The following EXPH5 variants were observed in gnomAD, a reference collection of about 807,000 sequenced individuals.
The protein encoded by EXPH5 is exophilin 5.
EXPH5 carries 42 observed loss-of-function variants against 41.1 expected under a neutral mutation model. The ratio of observed to expected loss-of-function variants is 1.02; its 90% CI spans 0.80 to 1.32. The LOEUF is 1.32. Ranked by LOEUF, EXPH5 falls within the 40% of genes most tolerant of loss-of-function variation. The pLI is 0.00. For missense variants in EXPH5, 2,298 were observed against 2,314.5 expected, an observed-to-expected ratio of 0.99 and a Z score of 0.15; for synonymous variants, 798 against 833.5, an observed-to-expected ratio of 0.96 and a Z score of 0.73.
intron 4 of EXPH5, among the ~76,000 whole-genome samples, chr11:108,522,980 C>T (rs1221269031): frequency 6.6e-6 from 1 of 151,884 alleles, no homozygotes; most frequent in Non-Finnish European, 1.5e-5. Context: ...ACTACTGGCT[C>T]AAGCAATCCT....
Position 108,507,435 on chromosome 11 carries a change from G to A in EXPH5, c.*2102C>T, listed in dbSNP as rs1487485401. 1 of 152,144 alleles carries A rather than the reference G, an allele frequency of 6.6e-6. No individual in the cohort carries two copies. 9.4% of individuals were successfully genotyped at this position (152,144 alleles called of 1,614,324 possible). On this transcript the variant is annotated 3_prime_UTR_variant, in exon 6 of 6. Coordinates refer to ENST00000265843, the MANE Select transcript of EXPH5 (RefSeq NM_015065.3). Reference sequence around the variant, plus strand: ...GTATAAAAAATGGAAAATTAGATTAGGTCGCGAAGCAAATATAAACCAAGC... The same window carrying A: ...GTATAAAAAATGGAAAATTAGATTAAGTCGCGAAGCAAATATAAACCAAGC...
intron 3 of EXPH5, 43 bp from the exon 4 acceptor site, chr11:108,528,227 A>T (rs754367312): frequency 2.8e-6 from 4 of 1,434,990 alleles, no homozygotes; most frequent in Non-Finnish European, 3.9e-6. Flanking sequence ...GAAGAGCCTA[A>T]CTTTTACCAG....
At chr11:108,559,199 A>T (rs1388326420) in intron 1 of EXPH5, among the ~76,000 whole-genome samples, 1 of 152,214 alleles carries the variant, frequency 6.6e-6, no homozygotes. Context: ...TTTCCTGAAC[A>T]CACAGCAAGC....
At chr11:108,604,222 C>G in the EXPH5 span, among the ~76,000 whole-genome samples, 2 of 97,062 alleles carry the variant, frequency 2.1e-5, no homozygotes, top group African/African-American at 7.7e-5. Flanking sequence ...GAAACCCCAT[C>G]TCTACAAAAA....
intron 4 of EXPH5, among the ~76,000 whole-genome samples, chr11:108,525,659 CT>C (rs1408292774): frequency 1.3e-5 from 2 of 152,082 alleles, no homozygotes; most frequent in African/African-American, 4.8e-5. Flanking sequence ...GTGGAATCTG[CT>C]TGTACCATTC....
chr11:108,515,457 T>TTGAA (rs2093718330), intron 5 of EXPH5, among the ~76,000 whole-genome samples: 1 of 81,390 alleles, frequency 1.2e-5, no homozygotes, highest in South Asian at 4.2e-4. Context: ...ACATACTTAG[T>TTGAA]TGGATATATA....
At chr11:108,601,261 T>C in the EXPH5 span, among the ~76,000 whole-genome samples, 1 of 152,248 alleles carries the variant, frequency 6.6e-6, no homozygotes, top group Admixed American at 6.5e-5. Context: ...ATACCCGTAG[T>C]CACATGATGG....
At chr11:108,590,952 C>G (rs1221411794) in intron 1 of EXPH5, among the ~76,000 whole-genome samples, 1 of 152,212 alleles carries the variant, frequency 6.6e-6, no homozygotes, top group East Asian at 1.9e-4. Flanking sequence ...CGGGCCCAGC[C>G]CCAACTATAG....
chr11:108,570,447 G>A (rs1339723571), intron 1 of EXPH5, among the ~76,000 whole-genome samples: 1 of 151,904 alleles, frequency 6.6e-6, no homozygotes, highest in Non-Finnish European at 1.5e-5. Flanking sequence ...TAGAGATGGG[G>A]TTTCATTATG....
At chr11:108,548,723 A>G (rs1168523219) in intron 1 of EXPH5, among the ~76,000 whole-genome samples, 1 of 152,236 alleles carries the variant, frequency 6.6e-6, no homozygotes, top group African/African-American at 2.4e-5. Flanking sequence ...CTACACACCC[A>G]AGAGCCCTAT....
chr11:108,540,868 T>A (rs1332566466), intron 2 of EXPH5, among the ~76,000 whole-genome samples: 6 of 151,976 alleles, frequency 3.9e-5, no homozygotes, highest in Admixed American at 6.6e-5. Context: ...TCATCCCATT[T>A]ATTTAAGTGC....
At chr11:108,597,720 C>G (rs1311556163), upstream of EXPH5, among the ~76,000 whole-genome samples, 3 of 151,898 alleles carry the variant, frequency 2.0e-5, no homozygotes, top group East Asian at 5.8e-4. Context: ...TCTGGTAGTT[C>G]TAGTTGATAC....
chr11:108,518,816 C>T (rs1053342828), intron 4 of EXPH5, among the ~76,000 whole-genome samples: 1 of 152,164 alleles, frequency 6.6e-6, no homozygotes, highest in South Asian at 2.1e-4. Context: ...TGATAAAACA[C>T]GTTGCACTAA....
chr11:108,509,652 G>A lies in EXPH5; in HGVS notation c.5855C>T (p.Pro1952Leu). 6.2e-7 allele frequency: 1 copy of A among 1,613,984 alleles called. No homozygotes were observed. The highest frequency in any genetic ancestry group is 8.5e-7 in the Non-Finnish European group (1 of 1,179,964). The change falls in exon 6 of 6, where the codon CCA becomes CTA. Residue 1952 changes from proline (P) to leucine (L), a missense_variant. Coordinates refer to ENST00000265843, the MANE Select transcript of EXPH5 (RefSeq NM_015065.3). ...SSQVPEDGLS[P>L]SEPLNIYEDD... ...CTCATAGATATTAAGCGGTTCACTT[G>A]GAGATAAGCCATCTTCTGGCACCTG... is the stretch of plus-strand genomic sequence containing the variant.
At chr11:108,522,673 T>C (rs779860325) in intron 4 of EXPH5, among the ~76,000 whole-genome samples, 41 of 152,288 alleles carry the variant, frequency 2.7e-4, no homozygotes, top group Admixed American at 4.6e-4. Flanking sequence ...AAGTTTCTTG[T>C]GACCTAGAAG....
In EXPH5 at chr11:108,509,307, C is replaced by T; in HGVS notation, c.*230G>A. 2.7e-6 allele frequency: 1 copy of T among 373,200 alleles called. No homozygotes were observed. The allele number at this position is 373,200 out of a possible 1,614,324, so 23.1% of individuals were successfully genotyped here. A position where few individuals can be genotyped will look rare whatever the true frequency, so the allele number is the denominator to read the frequency against. On this transcript the variant is annotated 3_prime_UTR_variant, in exon 6 of 6. Transcript: ENST00000265843. Reference sequence around the variant, plus strand: ...GAGTGGTGGAAAGGCAGGCTAAGAACATTTACAGAGATAGAAAATAGCAGA... The same window carrying T: ...GAGTGGTGGAAAGGCAGGCTAAGAATATTTACAGAGATAGAAAATAGCAGA...
At chr11:108,529,841 T>C (rs1239699376) in intron 3 of EXPH5, among the ~76,000 whole-genome samples, 1 of 145,242 alleles carries the variant, frequency 6.9e-6, no homozygotes, top group African/African-American at 2.6e-5. Context: ...CAAAACTCTG[T>C]CTCAAAAAAA....
chr11:108,565,153 A>T (rs2136087770), intron 1 of EXPH5, among the ~76,000 whole-genome samples: 1 of 151,960 alleles, frequency 6.6e-6, no homozygotes, highest in East Asian at 1.9e-4. Flanking sequence ...TGATCCGCCC[A>T]CCTCCACCTC....
chr11:108,596,017 C>T (rs542003359), upstream of EXPH5, among the ~76,000 whole-genome samples: 225 of 151,982 alleles, frequency 1.5e-3, 1 homozygote, highest in Non-Finnish European at 2.3e-3. Context: ...CTGGCTAACA[C>T]AGTGAAACCC....
Sources: gnomAD v4.1 joint callset for allele counts (sites outside exome capture counted in the v4.1 genomes callset) on GRCh38, gnomAD v4.1.1 for gene constraint, MANE v1.5 for transcripts, NCBI Gene and HGNC (gene_info 2026-07-23, HGNC 2026-07-21) for gene names.